The following PLIN1 variants were observed in gnomAD, a reference collection of about 807,000 sequenced individuals.
PLIN1 encodes perilipin 1.
Under a neutral mutation model 45.8 loss-of-function variants are expected in PLIN1, and 37 were observed. That is an observed-to-expected ratio of 0.81 (90% confidence interval 0.62 to 1.06). PLIN1 has a LOEUF of 1.06. PLIN1 is among the 50% of genes least tolerant of loss of function. PLIN1 has a pLI of 0.00. For synonymous variants in PLIN1, 340 were observed against 309.2 expected, an observed-to-expected ratio of 1.10 and a Z score of -1.05; for missense variants, 776 against 716.5, an observed-to-expected ratio of 1.08 and a Z score of -0.95.
chr15:89,677,753 CTTTTTT>C, intron 1 of PLIN1: 2 of 392,210 alleles, frequency 5.1e-6, no homozygotes, highest in Non-Finnish European at 9.2e-6. Flanking sequence ...TTCTTTCTTT[CTTTTTT>C]TTTTTTTTTG....
chr15:89,668,990 G>A (rs1449258566), intron 6 of PLIN1, among the ~76,000 whole-genome samples: 1 of 152,194 alleles, frequency 6.6e-6, no homozygotes, highest in Non-Finnish European at 1.5e-5. Context: ...GGGGAGTGGT[G>A]GGGAGTGGTG....
rs1428948475 is a variant in PLIN1 at position 89,667,767 on chromosome 15, T to C, written c.798A>G (p.Ser266=). Residue 266 remains serine (S), a synonymous_variant, in exon 7 of 9, where the codon TCA becomes TCG. Coordinates refer to ENST00000300055, the MANE Select transcript of PLIN1 (RefSeq NM_002666.5). ...PLSSLAQWGA[S]VAMQAVSRRR... ...GCCGGGACACCGCCTGCATGGCCAC[T>C]GAGGCACCCCACTGGGCCAGGCTGC... The C allele has an allele frequency of 6.4e-7, 1 of 1,562,008 alleles. No homozygotes were observed. Among genetic ancestry groups the C allele is most frequent in the Admixed American group, 1.9e-5 (1 of 51,480 alleles).
chr15:89,677,289 G>T, intron 2 of PLIN1, 156 bp downstream of exon 2: 1 of 741,202 alleles, frequency 1.3e-6, no homozygotes, highest in Non-Finnish European at 2.5e-6. Flanking sequence ...CCCTACAAAA[G>T]GTGGTGAGGG....
chr15:89,671,073 T>A (rs1353237686), intron 4 of PLIN1, among the ~76,000 whole-genome samples: 1 of 152,184 alleles, frequency 6.6e-6, no homozygotes, highest in African/African-American at 2.4e-5. Context: ...AATCTCATGG[T>A]CCATAAAAGG....
At chr15:89,668,775 G>A (rs1964392129) in intron 6 of PLIN1, among the ~76,000 whole-genome samples, 2 of 152,182 alleles carry the variant, frequency 1.3e-5, no homozygotes, top group South Asian at 4.1e-4. Context: ...ATTCCTGCAG[G>A]GGCAACACTT....
intron 6 of PLIN1, among the ~76,000 whole-genome samples, chr15:89,668,809 G>C (rs8179044): frequency 0.028 from 4,298 of 152,314 alleles, 190 homozygotes; most frequent in African/African-American, 0.094. Flanking sequence ...ATCCACGCCT[G>C]ATGATGCTTT....
chr15:89,668,564 C>G (rs1238431648), intron 6 of PLIN1, among the ~76,000 whole-genome samples: 1 of 152,188 alleles, frequency 6.6e-6, no homozygotes, highest in East Asian at 1.9e-4. Flanking sequence ...AGCAAGGGGG[C>G]TGGTATCTCC....
At chr15:89,671,748 G>A (rs894282938) in intron 3 of PLIN1, among the ~76,000 whole-genome samples, 184 bp from the exon 4 acceptor site, 1 of 151,958 alleles carries the variant, frequency 6.6e-6, no homozygotes, top group Non-Finnish European at 1.5e-5. Context: ...CTCAAGACCC[G>A]GGCCAGTTTC....
Position 89,670,133 on chromosome 15 carries a change from C to G in PLIN1, c.445G>C (p.Gly149Arg). 3 of 1,614,188 alleles carry G rather than the reference C, an allele frequency of 1.9e-6. No homozygotes were observed. Among genetic ancestry groups the G allele is most frequent in the Non-Finnish European group, 2.5e-6 (3 of 1,180,034 alleles). ...GCCACCCCCCAGGCAAGCTCGCACC[C>G]GGCCAAAGCGGCCCCCAGGACCTTG... is the stretch of plus-strand genomic sequence containing the variant. ...SDKVLGAALA[G>R]CELAWGVARD... Residue 149 changes from glycine (G) to arginine (R), a missense_variant, in exon 5 of 9, where the codon GGG (glycine) becomes CGG (arginine). Transcript: ENST00000300055.
intron 7 of PLIN1, 116 bp downstream of exon 7, chr15:89,667,486 G>T: frequency 6.7e-7 from 1 of 1,491,182 alleles, no homozygotes; most frequent in Non-Finnish European, 9.3e-7. Context: ...GAAGGGTGTT[G>T]CACGCACATG....
At position 89,671,566 on chromosome 15, in the gene PLIN1, T is replaced by G; in HGVS notation, c.251-2A>C. 1 of 1,560,888 alleles carries G rather than the reference T, an allele frequency of 6.4e-7. No individual in the cohort carries two copies. The highest frequency in any genetic ancestry group is 8.7e-7 in the Non-Finnish European group (1 of 1,151,594). ...AGGCCAGCTCATTGGCAGCTGTGACTGGAAGGAAAGGGCCAAGTTTGGGTG... is the reference window on the plus strand; with the variant it reads ...AGGCCAGCTCATTGGCAGCTGTGACGGGAAGGAAAGGGCCAAGTTTGGGTG... On this transcript the variant is annotated splice_acceptor_variant, in intron 3 of 8. Coordinates refer to ENST00000300055, the MANE Select transcript of PLIN1 (RefSeq NM_002666.5). LOFTEE classifies it high-confidence loss of function.
At position 89,665,759 on chromosome 15, in the gene PLIN1, G is replaced by T; in HGVS notation, c.1393C>A (p.Pro465Thr). ...SLRSAQSPGA[P>T]PGPGLEDEVA... ...TCGTCCTCCAGGCCCGGGCCGGGGG[G>T]CGCGCCGGGGCTCTGCGCGCTGCGC... Residue 465 changes from proline to threonine, a missense_variant, in exon 9 of 9, where the codon CCC (proline) becomes ACC (threonine). Pro to Thr is a conservative substitution (Grantham distance 38). Transcript: ENST00000300055. The T allele has an allele frequency of 2.4e-6, 3 of 1,273,758 alleles. No individual in the cohort carries two copies. The highest frequency in any genetic ancestry group is 1.6e-5 in the African/African-American group (1 of 64,016). 78.9% of individuals were successfully genotyped at this position (1,273,758 alleles called of 1,614,324 possible). A position where few individuals can be genotyped will look rare whatever the true frequency, so the allele number is the denominator to read the frequency against.
chr15:89,677,216 T>C (rs527278002), intron 2 of PLIN1: 2 of 589,060 alleles, frequency 3.4e-6, no homozygotes, highest in Admixed American at 2.9e-5. Context: ...TCTGTCCCTT[T>C]TTTTCAAGGT....
In PLIN1 at chr15:89,669,534, G is replaced by C. The variant is rs1328997349; in HGVS notation, c.737C>G (p.Thr246Ser). 8.2e-5 allele frequency: 132 copies of C among 1,613,338 alleles called. No individual in the cohort carries two copies. The highest frequency in any genetic ancestry group is 1.1e-4 in the Non-Finnish European group (132 of 1,179,852). ...TMARALEQGHTVAMWIPGVVP... is the reference protein window; with the variant it reads ...TMARALEQGHSVAMWIPGVVP... Reference sequence around the variant, plus strand: ...CACGCCTGGGATCCACATGGCCACGGTGTGGCCCTGCTCCAGGGCCCGGGC... The same window carrying C: ...CACGCCTGGGATCCACATGGCCACGCTGTGGCCCTGCTCCAGGGCCCGGGC... Residue 246 changes from threonine (T) to serine (S), a missense_variant, in exon 6 of 9, where the codon ACC becomes AGC. Transcript: ENST00000300055.
At chr15:89,674,844 G>C (rs1220150985) in intron 2 of PLIN1, among the ~76,000 whole-genome samples, 1 of 152,066 alleles carries the variant, frequency 6.6e-6, no homozygotes, top group Non-Finnish European at 1.5e-5. Flanking sequence ...ACATGCTACA[G>C]TTTTACATTA....
Position 89,673,228 on chromosome 15 carries a change from G to A in PLIN1, c.232C>T (p.Arg78Cys), listed in dbSNP as rs765621707. ...GACTCACACTGGGTGGACAGCCTGC[G>A]GACCACCGGCTCCATGCTCCAGGCA... ...LAAWSMEPVV[R>C]RLSTQFTAAN... Residue 78 changes from arginine (R) to cysteine (C), a missense_variant, in exon 3 of 9, where the codon CGC becomes TGC. Coordinates refer to ENST00000300055, the MANE Select transcript of PLIN1 (RefSeq NM_002666.5). The A allele has an allele frequency of 8.9e-6, 14 of 1,569,210 alleles. No homozygotes were observed. Among genetic ancestry groups the A allele is most frequent in the African/African-American group, 4.1e-5 (3 of 73,754 alleles).
chr15:89,679,006 G>A (rs1964559888), intron 1 of PLIN1, among the ~76,000 whole-genome samples: 1 of 151,916 alleles, frequency 6.6e-6, no homozygotes, highest in African/African-American at 2.4e-5. Context: ...CCACAATGCA[G>A]GGCTAATTTT....
chr15:89,670,533 C>T (rs1964424866), intron 4 of PLIN1, among the ~76,000 whole-genome samples: 1 of 152,202 alleles, frequency 6.6e-6, no homozygotes, highest in African/African-American at 2.4e-5. Context: ...TCCTTGGTGC[C>T]ACCTGTCCTG....
chr15:89,667,479 G>A, intron 7 of PLIN1, 123 bp downstream of exon 7: 1 of 1,446,010 alleles, frequency 6.9e-7, no homozygotes, highest in Non-Finnish European at 9.7e-7. Flanking sequence ...GTGGGGTGAA[G>A]GGTGTTGCAC....
Sources: gnomAD v4.1 joint callset for allele counts (sites outside exome capture counted in the v4.1 genomes callset) on GRCh38, gnomAD v4.1.1 for gene constraint, MANE v1.5 for transcripts, NCBI Gene and HGNC (gene_info 2026-07-23, HGNC 2026-07-21) for gene names.